Variants in CERT1 observed in about 807,000 individuals in gnomAD.
CERT1 encodes the protein ceramide transfer protein.
Under a neutral mutation model 87.9 loss-of-function variants are expected in CERT1, and 31 were observed. The ratio of observed to expected loss-of-function variants is 0.35; its 90% CI spans 0.27 to 0.48. The LOEUF is 0.48. Among genes scored for constraint, CERT1 ranks in the 20% least tolerant of loss-of-function variants. The pLI, the probability that CERT1 is intolerant of heterozygous loss-of-function variation, is 0.99. For synonymous variants in CERT1, 289 were observed against 250.9 expected (o/e 1.15, Z -1.44); for missense variants, 487 against 758.0 (o/e 0.64, Z 4.20).
chr5:75,423,572 C>A (rs1323684054), intron 5 of CERT1, among the ~76,000 whole-genome samples: 1 of 152,074 alleles, frequency 6.6e-6, no homozygotes, highest in African/African-American at 2.4e-5. Flanking sequence ...GAGACCTCAT[C>A]TCTACAAAAA....
chr5:75,424,019 T>A (rs1763497101), intron 5 of CERT1, among the ~76,000 whole-genome samples: 1 of 152,126 alleles, frequency 6.6e-6, no homozygotes, highest in Non-Finnish European at 1.5e-5. Context: ...CTTAGTCCTG[T>A]TTGGTAATAA....
chr5:75,465,173 C>T (rs757460262), intron 2 of CERT1, among the ~76,000 whole-genome samples: 13 of 152,170 alleles, frequency 8.5e-5, no homozygotes, highest in Non-Finnish European at 1.5e-4. Flanking sequence ...AACTTGCTTT[C>T]TAATAGCCCT....
chr5:75,375,582 A>AAAATAAAT (rs35679444), downstream of CERT1: 532 of 133,864 alleles, frequency 4.0e-3, 4 homozygotes, highest in East Asian at 0.019. Flanking sequence ...ATGCTGTCTC[A>AAAATAAAT]AAATAAATAA....
intron 2 of CERT1, among the ~76,000 whole-genome samples, chr5:75,496,747 T>C (rs2112445454): frequency 6.6e-6 from 1 of 152,306 alleles, no homozygotes; most frequent in Admixed American, 6.5e-5. Context: ...ATTCCATGTA[T>C]ATAATATGCT....
chr5:75,441,794 G>A (rs187715018), intron 3 of CERT1, among the ~76,000 whole-genome samples: 4 of 152,220 alleles, frequency 2.6e-5, no homozygotes, highest in Admixed American at 2.6e-4. Flanking sequence ...ACCACATTTT[G>A]CTTATATATT....
chr5:75,399,327 G>T lies in CERT1; in HGVS notation c.1171C>A (p.His391Asn). 6.2e-7 allele frequency: 1 copy of T among 1,611,758 alleles called. No individual in the cohort carries two copies. The highest frequency in any genetic ancestry group is 1.1e-5 in the South Asian group (1 of 91,028). ...TACAGTACCTGGGAGCTGAATCTGT[G>T]AACATCATCAGAGGCACTGACTAGA... ...IDLVSASDDV[H>N]RFSSQVEEMV... Residue 391 changes from histidine (H) to asparagine (N), a missense_variant, in exon 11 of 17, where the codon CAC becomes AAC. By Grantham distance (68) the His-to-Asn change is moderately conservative. Around this residue, in one of 8 missense-constraint regions of CERT1, gnomAD observed 91 missense variants for 86.7 expected, o/e 1.05. Transcript: ENST00000643780.
intron 3 of CERT1, among the ~76,000 whole-genome samples, chr5:75,436,665 C>CT (rs1458597017): frequency 3.3e-5 from 5 of 152,088 alleles, no homozygotes; most frequent in Non-Finnish European, 1.5e-5. Context: ...ATTGGAATGT[C>CT]TTTTGAAATA....
At chr5:75,374,418 G>GA (rs528849601), downstream of CERT1, 4,137 of 530,864 alleles carry the variant, frequency 7.8e-3, 2 homozygotes, top group South Asian at 0.012. Context: ...TCAAAAGTTA[G>GA]AAAAAAAAAC....
At chr5:75,398,679 C>G (rs1035822628) in intron 11 of CERT1, among the ~76,000 whole-genome samples, 3 of 152,142 alleles carry the variant, frequency 2.0e-5, no homozygotes, top group Non-Finnish European at 4.4e-5. Context: ...TTTGAGGGTA[C>G]AGACTTTAGA....
chr5:75,385,761 T>C (rs1431192881), intron 13 of CERT1, 141 bp downstream of exon 13: 5 of 532,870 alleles, frequency 9.4e-6, no homozygotes, highest in Non-Finnish European at 1.5e-5. Context: ...TCTACATAAA[T>C]GTATTGCTAG....
At chr5:75,416,651 T>C (rs1763145211) in intron 7 of CERT1, among the ~76,000 whole-genome samples, 1 of 152,176 alleles carries the variant, frequency 6.6e-6, no homozygotes, top group South Asian at 2.1e-4. Context: ...AACTTTTATA[T>C]TAAATCTTTC....
At chr5:75,448,116 T>C (rs1282188430) in intron 3 of CERT1, among the ~76,000 whole-genome samples, 1 of 152,228 alleles carries the variant, frequency 6.6e-6, no homozygotes, top group Non-Finnish European at 1.5e-5. Context: ...TGTTACTACT[T>C]ACCAATCAAT....
At chr5:75,382,188 G>T in intron 14 of CERT1, 111 bp from the exon 15 acceptor site, 2 of 945,156 alleles carry the variant, frequency 2.1e-6, no homozygotes, top group South Asian at 3.6e-5. Flanking sequence ...AATTTTAAAT[G>T]GAAAGCATCT....
At chr5:75,506,617 C>T (rs182927147) in intron 1 of CERT1, among the ~76,000 whole-genome samples, 13 of 152,206 alleles carry the variant, frequency 8.5e-5, no homozygotes, top group African/African-American at 2.4e-4. Flanking sequence ...TGTTGTTATT[C>T]CTATATGAAA....
chr5:75,462,043 A>T (rs1365543868), intron 2 of CERT1, among the ~76,000 whole-genome samples: 1 of 152,174 alleles, frequency 6.6e-6, no homozygotes, highest in African/African-American at 2.4e-5. Context: ...CTTTTAAAAA[A>T]TATTGCAATA....
chr5:75,510,221 C>T (rs1180222315), intron 1 of CERT1, among the ~76,000 whole-genome samples: 1 of 149,688 alleles, frequency 6.7e-6, no homozygotes, highest in African/African-American at 2.4e-5. Context: ...CCAGCCATGT[C>T]TAAAAAAGTT....
chr5:75,410,703 T>TA (rs57976408), intron 8 of CERT1: 21,975 of 149,540 alleles, frequency 0.15, 1,643 homozygotes, highest in South Asian at 0.22. Context: ...GCTTTTATGT[T>TA]AAAAAAAAAA....
chr5:75,425,578 C>T, intron 4 of CERT1, 79 bp from the exon 5 acceptor site: 7 of 1,415,182 alleles, frequency 4.9e-6, no homozygotes, highest in Non-Finnish European at 6.8e-6. Context: ...ATTTCATCAA[C>T]TTTTAAGGTC....
At chr5:75,384,557 C>T in intron 14 of CERT1, 85 bp downstream of exon 14, 1 of 881,104 alleles carries the variant, frequency 1.1e-6, no homozygotes, top group South Asian at 1.6e-5. Flanking sequence ...CTTTTAATAA[C>T]CTCCCCAATT....
Sources: allele counts gnomAD v4.1 joint callset (sites outside exome capture counted in the v4.1 genomes callset), GRCh38; gene constraint gnomAD v4.1.1; regional missense constraint gnomAD v4.1.1; transcripts MANE v1.5; gene names NCBI Gene and HGNC (gene_info 2026-07-23, HGNC 2026-07-21).